Variants in NTNG1 observed in about 807,000 individuals in gnomAD.
NTNG1 encodes the protein netrin G1.
NTNG1 carries 16 observed loss-of-function variants against 54.0 expected under a neutral mutation model. The ratio of observed to expected loss-of-function variants is 0.30; its 90% CI spans 0.20 to 0.45. The LOEUF is 0.45. Among genes scored for constraint, NTNG1 ranks in the 20% least tolerant of loss-of-function variants. The pLI is 1.00. For synonymous variants in NTNG1, 255 were observed against 263.1 expected, an observed-to-expected ratio of 0.97 and a Z score of 0.30; for missense variants, 530 against 678.7, an observed-to-expected ratio of 0.78 and a Z score of 2.43.
rs765121205 is a variant in NTNG1, at chr1:107,430,721, C to G, written c.1088-29C>G. 1.9e-6 allele frequency: 3 copies of G among 1,594,276 alleles called. No homozygotes were observed. The African/African-American group carries it at 4.0e-5, about 21-fold the overall frequency. ...CTATTACTCTGCTACTGTATACACT[C>G]TGTATACATTTCTGTTCTTCCTTGC... is the stretch of plus-strand genomic sequence containing the variant. On this transcript the variant is annotated intron_variant, in intron 5 of 7. Transcript: ENST00000370068.
chr1:107,261,000 C>G (rs1270358305), intron 2 of NTNG1: 2 of 152,188 alleles, frequency 1.3e-5, no homozygotes, highest in Non-Finnish European at 2.9e-5. Context: ...TCTTGGTGAA[C>G]TAAAGCTGCA....
intron 2 of NTNG1, among the ~76,000 whole-genome samples, chr1:107,292,473 G>A (rs572980369): frequency 6.6e-6 from 1 of 152,136 alleles, no homozygotes; most frequent in Admixed American, 6.5e-5. Flanking sequence ...TGATGGTCAG[G>A]CAGTTGTTAA....
intron 7 of NTNG1, among the ~76,000 whole-genome samples, chr1:107,462,528 T>C (rs1392079679): frequency 3.9e-5 from 6 of 152,222 alleles, no homozygotes; most frequent in Non-Finnish European, 2.9e-5. Flanking sequence ...TGTTCGCTTT[T>C]GTTACTATTA....
chr1:107,353,670 T>TATTC (rs1248468303), intron 3 of NTNG1, among the ~76,000 whole-genome samples: 1 of 152,202 alleles, frequency 6.6e-6, no homozygotes, highest in Non-Finnish European at 1.5e-5. Context: ...GATATTTTTA[T>TATTC]GGCAATGCCC....
intron 7 of NTNG1, among the ~76,000 whole-genome samples, chr1:107,441,703 G>A (rs1675976834): frequency 6.6e-6 from 1 of 151,962 alleles, no homozygotes; most frequent in Non-Finnish European, 1.5e-5. Flanking sequence ...TGGGGATCAG[G>A]ATGTAGACAT....
chr1:107,443,763 T>G lies in NTNG1; in HGVS notation c.1390+6964T>G, dbSNP rs534927683. Among the ~76,000 whole-genome samples the G allele has an allele frequency of 1.1e-4, 17 of 152,238 alleles. No homozygotes were observed. The South Asian group carries it at 3.5e-3, about 32-fold the overall frequency. On this transcript the variant is annotated intron_variant, in intron 7 of 7. Coordinates refer to ENST00000370068, the MANE Select transcript of NTNG1 (RefSeq NM_001113226.3). Reference sequence around the variant, plus strand: ...GTCTATCAATCTCTATCACTACAAGTTGGTCTCATCAATAAAATGAATGGC... The same window carrying G: ...GTCTATCAATCTCTATCACTACAAGGTGGTCTCATCAATAAAATGAATGGC...
Position 107,324,781 on chromosome 1 carries a change from C to T in NTNG1, c.746C>T (p.Thr249Ile), listed in dbSNP as rs145897371. The change falls in exon 3 of 8, where the codon ACA becomes ATA. Residue 249 changes from threonine to isoleucine, a missense_variant. Around this residue, in one of 2 missense-constraint regions of NTNG1, gnomAD observed 318 missense variants for 465.1 expected, o/e 0.68. Coordinates refer to ENST00000370068, the MANE Select transcript of NTNG1 (RefSeq NM_001113226.3). ...NMASLYGQLD[T>I]TKKLRDFFTV... The stretch of plus-strand genomic sequence containing the variant: ...GCTTCCCTCTACGGACAGCTGGATA[C>T]AACCAAGAAACTCAGAGATTTCTTT... 1.5e-4 allele frequency: 234 copies of T among 1,613,462 alleles called. No individual in the cohort carries two copies. The highest frequency in any genetic ancestry group is 1.9e-4 in the Non-Finnish European group (226 of 1,179,764).
chr1:107,234,431 G>GT (rs563316742), intron 2 of NTNG1, among the ~76,000 whole-genome samples: 4 of 150,468 alleles, frequency 2.7e-5, no homozygotes, highest in East Asian at 3.9e-4. Flanking sequence ...CCCCTTTTCA[G>GT]TTTTTTTTTC....
chr1:107,208,775 G>A (rs895974832), intron 2 of NTNG1, among the ~76,000 whole-genome samples: 1 of 152,102 alleles, frequency 6.6e-6, no homozygotes, highest in Non-Finnish European at 1.5e-5. Flanking sequence ...AGTTTCTCAG[G>A]AGAGTGGTCT....
chr1:107,396,073 A>C (rs1241714317), intron 4 of NTNG1, among the ~76,000 whole-genome samples: 1 of 152,208 alleles, frequency 6.6e-6, no homozygotes, highest in Non-Finnish European at 1.5e-5. Flanking sequence ...TATTTGCTGA[A>C]TAATTTGCCC....
intron 3 of NTNG1, among the ~76,000 whole-genome samples, chr1:107,346,183 TG>T (rs2101941847): frequency 6.6e-6 from 1 of 152,334 alleles, no homozygotes; most frequent in South Asian, 2.1e-4. Context: ...AAGAAATGAC[TG>T]AAGTTTTTCT....
intron 2 of NTNG1, among the ~76,000 whole-genome samples, chr1:107,169,137 A>G (rs1302049456): frequency 6.6e-6 from 1 of 152,170 alleles, no homozygotes; most frequent in Non-Finnish European, 1.5e-5. Flanking sequence ...GGTAGGTTCC[A>G]TTCTGATAAT....
chr1:107,432,715 C>T, intron 6 of NTNG1, among the ~76,000 whole-genome samples: 1 of 152,018 alleles, frequency 6.6e-6, no homozygotes, highest in Admixed American at 6.6e-5. Flanking sequence ...ACCATTTTTA[C>T]ATAAGATTAA....
intron 3 of NTNG1, among the ~76,000 whole-genome samples, chr1:107,393,297 A>G (rs941944272): frequency 6.6e-6 from 1 of 152,156 alleles, no homozygotes; most frequent in African/African-American, 2.4e-5. Flanking sequence ...TGGTGCTTCT[A>G]TCACTTAGGT....
chr1:107,474,349 G>A (rs1395740744), intron 7 of NTNG1, among the ~76,000 whole-genome samples: 1 of 152,186 alleles, frequency 6.6e-6, no homozygotes, highest in East Asian at 1.9e-4. Flanking sequence ...ATCACTGAAA[G>A]ATGCCTGTTG....
At position 107,457,494 on chromosome 1, in the gene NTNG1, AATATTGTCTC is replaced by A. The variant is rs560807553; in HGVS notation, c.1390+20700_1390+20709del. Among the ~76,000 whole-genome samples, 81 of 152,324 alleles carry A rather than the reference AATATTGTCTC, an allele frequency of 5.3e-4. No individual in the cohort carries two copies. In the South Asian group the frequency reaches 7.0e-3, roughly 13 times the overall value. ...ATGCTCAATTAATATGGAACTTGGG[AATATTGTCTC>A]ATATCATGCTAAATTAAAACATATA... On this transcript the variant is annotated intron_variant, in intron 7 of 7. Coordinates refer to ENST00000370068, the MANE Select transcript of NTNG1 (RefSeq NM_001113226.3).
intron 2 of NTNG1, among the ~76,000 whole-genome samples, chr1:107,240,995 A>G (rs895961829): frequency 2.6e-5 from 4 of 152,108 alleles, no homozygotes; most frequent in African/African-American, 9.7e-5. Context: ...TTGAAGTACT[A>G]ATTACATGAT....
chr1:107,307,014 C>G (rs1666733696), intron 2 of NTNG1, among the ~76,000 whole-genome samples: 1 of 152,140 alleles, frequency 6.6e-6, no homozygotes, highest in African/African-American at 2.4e-5. Flanking sequence ...TTTAATTACT[C>G]TGAATTCTGT....
At chr1:107,223,337 A>G (rs1378203741) in intron 2 of NTNG1, among the ~76,000 whole-genome samples, 1 of 152,066 alleles carries the variant, frequency 6.6e-6, no homozygotes, top group Non-Finnish European at 1.5e-5. Flanking sequence ...ATGGTATCCC[A>G]TGTGGTATGA....
Sources: allele counts gnomAD v4.1 joint callset (sites outside exome capture counted in the v4.1 genomes callset), GRCh38; gene constraint gnomAD v4.1.1; regional missense constraint gnomAD v4.1.1; transcripts MANE v1.5; gene names NCBI Gene and HGNC (gene_info 2026-07-23, HGNC 2026-07-21).